CNBD2: variants seen among roughly 807,000 people sequenced by gnomAD.
CNBD2 encodes the protein cyclic nucleotide-binding domain-containing protein 2.
A neutral mutation model predicts 63.7 loss-of-function variants in CNBD2; 64 were observed. The observed-to-expected ratio is 1.00, with a 90% CI of 0.82 to 1.24. The LOEUF (loss-of-function observed/expected upper bound fraction) is 1.24. CNBD2 is among the 50% of genes most tolerant of loss of function. The probability of loss-of-function intolerance (pLI) is 0.00; values close to 1 mark genes in which losing one functional copy is unlikely to be tolerated. For synonymous variants in CNBD2, 229 were observed against 255.4 expected (o/e 0.90, Z 0.99); for missense variants, 691 against 713.5 (o/e 0.97, Z 0.36).
At chr20:35,970,287 A>T (rs2056394487) in intron 1 of CNBD2, among the ~76,000 whole-genome samples, 1 of 152,182 alleles carries the variant, frequency 6.6e-6, no homozygotes, top group Non-Finnish European at 1.5e-5. Context: ...TTGGATCGTA[A>T]TCCTTTGTTG....
At chr20:35,978,260 C>T (rs2056547600) in intron 3 of CNBD2, among the ~76,000 whole-genome samples, 2 of 152,106 alleles carry the variant, frequency 1.3e-5, no homozygotes, top group African/African-American at 4.8e-5. Context: ...ACTGCAACCT[C>T]AACCTCCTTG....
chr20:36,008,126 C>T (rs2794368), intron 8 of CNBD2, among the ~76,000 whole-genome samples, 171 bp from the exon 9 acceptor site: 4,827 of 152,162 alleles, frequency 0.032, 259 homozygotes, highest in African/African-American at 0.11. Flanking sequence ...GCCTGCCACC[C>T]AGGGACATTA....
intron 2 of CNBD2, among the ~76,000 whole-genome samples, chr20:35,960,927 C>T (rs2056304226): frequency 6.7e-6 from 1 of 149,130 alleles, no homozygotes; most frequent in East Asian, 2.0e-4. Flanking sequence ...CTTGCTCTGT[C>T]GCCACCCCCC....
chr20:35,980,619 A>G lies in CNBD2; in HGVS notation c.404A>G (p.Glu135Gly), dbSNP rs1355239942. ...QLLLAKVMRF[E>G]RFGRRRVIIK... Reference sequence around the variant, plus strand: ...CTCCTGGCCAAAGTCATGCGCTTTGAACGGTCAGTGAGGGGCACAGCCCTT... The same window carrying G: ...CTCCTGGCCAAAGTCATGCGCTTTGGACGGTCAGTGAGGGGCACAGCCCTT... The change falls in exon 4 of 12, where the codon GAA becomes GGA. Residue 135 changes from glutamate to glycine, a missense_variant. Transcript: ENST00000373973. The G allele has an allele frequency of 6.2e-7, 1 of 1,613,108 alleles. No homozygotes were observed. Among genetic ancestry groups the G allele is most frequent in the South Asian group, 1.1e-5 (1 of 91,022 alleles).
intron 10 of CNBD2, among the ~76,000 whole-genome samples, chr20:36,021,225 A>G (rs1415208902): frequency 6.6e-6 from 1 of 152,238 alleles, no homozygotes; most frequent in Non-Finnish European, 1.5e-5. Context: ...TCATTCAGCC[A>G]TAAAAAGGAA....
chr20:35,993,867 CTTTTTTTTT>C (rs58873487), intron 7 of CNBD2, among the ~76,000 whole-genome samples: 1 of 86,476 alleles, frequency 1.2e-5, no homozygotes, highest in Admixed American at 1.4e-4. Context: ...TTCAGCTAAT[CTTTTTTTTT>C]TTTTTTTTTT....
intron 8 of CNBD2, among the ~76,000 whole-genome samples, chr20:35,998,073 G>A (rs1456224352): frequency 2.3e-5 from 3 of 127,730 alleles, no homozygotes; most frequent in South Asian, 2.4e-4. Flanking sequence ...AGGGAGTCTC[G>A]CTCTGTCACC....
At chr20:35,994,512 A>G (rs2056794076) in intron 7 of CNBD2, among the ~76,000 whole-genome samples, 1 of 149,706 alleles carries the variant, frequency 6.7e-6, no homozygotes, top group Admixed American at 6.7e-5. Flanking sequence ...CCTGGCTTAT[A>G]TTTAGTTCTT....
chr20:36,011,299 A>C (rs2147331781), intron 10 of CNBD2, 42 bp downstream of exon 10: 2 of 1,461,020 alleles, frequency 1.4e-6, no homozygotes, highest in East Asian at 5.1e-5. Context: ...AGTACGTAAC[A>C]TGAATGGGCT....
rs11906076 is a variant in CNBD2 at position 35,981,389 on chromosome 20, C to T, written c.407+767C>T. Reference sequence around the variant, plus strand: ...TCCTAGCTGAATATTCCTGCTATCTCCCAGCTAGTCATTATCACCTGGGCC... The same window carrying T: ...TCCTAGCTGAATATTCCTGCTATCTTCCAGCTAGTCATTATCACCTGGGCC... On this transcript the variant is annotated intron_variant, in intron 4 of 11. Coordinates refer to ENST00000373973, the MANE Select transcript of CNBD2 (RefSeq NM_001365709.1). Among the ~76,000 whole-genome samples the T allele has an allele frequency of 5.2e-3, 784 of 152,210 alleles. 9 individuals carry two copies. The highest frequency in any genetic ancestry group is 0.018 in the African/African-American group (754 of 41,522).
At chr20:36,010,039 C>T (rs920034306) in intron 9 of CNBD2, among the ~76,000 whole-genome samples, 4 of 152,060 alleles carry the variant, frequency 2.6e-5, no homozygotes, top group South Asian at 2.1e-4. Context: ...GTGTTGTTAT[C>T]GGTATGATTG....
intron 2 of CNBD2, 168 bp downstream of exon 2, chr20:35,972,934 T>A: frequency 1.5e-6 from 1 of 649,398 alleles, no homozygotes; most frequent in South Asian, 1.9e-5. Context: ...AGAGGGTGAC[T>A]TACATCATCA....
At chr20:36,000,753 ATT>A (rs34139279) in intron 8 of CNBD2, among the ~76,000 whole-genome samples, 12 of 121,584 alleles carry the variant, frequency 9.9e-5, no homozygotes, top group East Asian at 4.8e-4. Context: ...TGTGTATGAA[ATT>A]TTTTTTTTTT....
At chr20:36,003,406 G>A (rs965049393) in intron 8 of CNBD2, among the ~76,000 whole-genome samples, 9 of 152,146 alleles carry the variant, frequency 5.9e-5, no homozygotes, top group Admixed American at 4.6e-4. Flanking sequence ...ACGTTAAGAT[G>A]TAGTTACTTG....
At chr20:36,006,960 C>A (rs1316631049) in intron 8 of CNBD2, among the ~76,000 whole-genome samples, 1 of 152,034 alleles carries the variant, frequency 6.6e-6, no homozygotes, top group East Asian at 1.9e-4. Context: ...GAGGCCGAGG[C>A]AGGTGGCTCA....
At position 35,984,082 on chromosome 20, in the gene CNBD2, A is replaced by T; in HGVS notation, c.508A>T (p.Ser170Cys). The T allele has an allele frequency of 1.2e-6, 2 of 1,613,998 alleles. No homozygotes were observed. The highest frequency in any genetic ancestry group is 3.3e-5 in the Admixed American group (2 of 60,000). ...TVAITKDEDG[S>C]SAFLDPHPKL... is the part of the protein sequence containing the mutation. ...TGCAATAACCAAGGACGAGGATGGCAGCAGTGCCTTCCTAGATCCCCACCC... is the reference window on the plus strand; with the variant it reads ...TGCAATAACCAAGGACGAGGATGGCTGCAGTGCCTTCCTAGATCCCCACCC... Residue 170 changes from serine to cysteine, a missense_variant, in exon 5 of 12, where the codon AGC (serine) becomes TGC (cysteine). Coordinates refer to ENST00000373973, the MANE Select transcript of CNBD2 (RefSeq NM_001365709.1).
At chr20:35,990,768 T>C (rs988197917) in intron 7 of CNBD2, among the ~76,000 whole-genome samples, 1 of 152,048 alleles carries the variant, frequency 6.6e-6, no homozygotes, top group Non-Finnish European at 1.5e-5. Flanking sequence ...CTGGCCAACA[T>C]GGTAAAACCC....
intron 8 of CNBD2, among the ~76,000 whole-genome samples, chr20:36,001,664 C>G (rs2056907931): frequency 1.3e-5 from 2 of 151,344 alleles, no homozygotes; most frequent in Non-Finnish European, 2.9e-5. Flanking sequence ...GGCGGAGGGT[C>G]TCCTCACTTC....
At position 35,977,276 on chromosome 20, in the gene CNBD2, A is replaced by G. The variant is rs149950982; in HGVS notation, c.243+1274A>G. Among the ~76,000 whole-genome samples, 831 of 152,334 alleles carry G rather than the reference A, an allele frequency of 5.5e-3. 7 individuals carry two copies. The highest frequency in any genetic ancestry group is 0.019 in the African/African-American group (774 of 41,582). On this transcript the variant is annotated intron_variant, in intron 3 of 11. Coordinates refer to ENST00000373973, the MANE Select transcript of CNBD2 (RefSeq NM_001365709.1). Reference sequence around the variant, plus strand: ...TCATGCCTGACTCTGGTTCCAACACAGGGAAGAGTAGAGAGCCAATTTATC... The same window carrying G: ...TCATGCCTGACTCTGGTTCCAACACGGGGAAGAGTAGAGAGCCAATTTATC...
Sources: allele counts gnomAD v4.1 joint callset (sites outside exome capture counted in the v4.1 genomes callset), GRCh38; gene constraint gnomAD v4.1.1; transcripts MANE v1.5; gene names NCBI Gene and HGNC (gene_info 2026-07-23, HGNC 2026-07-21).